FAM185A: variants seen among roughly 807,000 people sequenced by gnomAD.
The protein encoded by FAM185A is family with sequence similarity 185 member A.
Under a neutral mutation model 45.7 loss-of-function variants are expected in FAM185A, and 21 were observed. The observed-to-expected ratio is 0.46, with a 90% CI of 0.33 to 0.66. The LOEUF is 0.66. Ranked by LOEUF, FAM185A falls within the 30% of genes least tolerant of loss-of-function variation. FAM185A has a pLI of 0.03. For missense variants in FAM185A, 305 were observed against 485.4 expected, an observed-to-expected ratio of 0.63 and a Z score of 3.49; for synonymous variants, 117 against 194.0, an observed-to-expected ratio of 0.60 and a Z score of 3.30.
the FAM185A span, among the ~76,000 whole-genome samples, chr7:102,837,703 C>T: frequency 6.6e-6 from 1 of 152,082 alleles, no homozygotes; most frequent in East Asian, 1.9e-4. Context: ...GCTACCATGC[C>T]TGGCTCATTT....
At chr7:102,757,267 T>C (rs1793806035) in intron 2 of FAM185A, among the ~76,000 whole-genome samples, 1 of 152,096 alleles carries the variant, frequency 6.6e-6, no homozygotes, top group Non-Finnish European at 1.5e-5. Context: ...GTGTGGGCTT[T>C]GGAATCATAC....
At chr7:102,764,778 T>C (rs1794289530) in intron 4 of FAM185A, among the ~76,000 whole-genome samples, 1 of 151,786 alleles carries the variant, frequency 6.6e-6, no homozygotes, top group African/African-American at 2.4e-5. Context: ...TTACTTTAGC[T>C]TCTTTTTTCT....
chr7:102,844,985 G>A, the FAM185A span, among the ~76,000 whole-genome samples: 3 of 152,210 alleles, frequency 2.0e-5, no homozygotes, highest in African/African-American at 7.2e-5. Context: ...GAGGTCCTGA[G>A]TGCAGGAACT....
chr7:102,828,346 T>C, the FAM185A span, among the ~76,000 whole-genome samples: 3 of 152,336 alleles, frequency 2.0e-5, no homozygotes, highest in East Asian at 5.8e-4. Flanking sequence ...TTTGAAGCAA[T>C]TGTGATCATT....
intron 4 of FAM185A, among the ~76,000 whole-genome samples, chr7:102,771,524 G>A (rs1794741312): frequency 6.6e-6 from 1 of 152,022 alleles, no homozygotes; most frequent in Non-Finnish European, 1.5e-5. Context: ...AATGAATCCA[G>A]TGCCTTTTTT....
intron 7 of FAM185A, among the ~76,000 whole-genome samples, chr7:102,788,910 A>C (rs1269062927): frequency 2.0e-5 from 3 of 152,210 alleles, no homozygotes; most frequent in African/African-American, 7.2e-5. Context: ...TATGGCATAA[A>C]AGATAAAACA....
chr7:102,766,940 G>A (rs57013410), intron 4 of FAM185A, among the ~76,000 whole-genome samples: 7,655 of 151,638 alleles, frequency 0.05, 633 homozygotes, highest in African/African-American at 0.18. Context: ...GGATTAAGGC[G>A]CCTGCTACCA....
the FAM185A span, among the ~76,000 whole-genome samples, chr7:102,844,258 T>C: frequency 1.6e-4 from 24 of 152,354 alleles, no homozygotes; most frequent in Admixed American, 1.1e-3. Context: ...GAGGGAGCTA[T>C]GTTTGGGTTT....
At chr7:102,794,165 G>A (rs968244791) in intron 7 of FAM185A, among the ~76,000 whole-genome samples, 2 of 152,100 alleles carry the variant, frequency 1.3e-5, no homozygotes, top group African/African-American at 4.8e-5. Context: ...CAAAGAGCAG[G>A]CCCCAATCTC....
At chr7:102,829,584 C>T in the FAM185A span, among the ~76,000 whole-genome samples, 4 of 152,302 alleles carry the variant, frequency 2.6e-5, no homozygotes, top group East Asian at 1.9e-4. Context: ...GGGCCTAGTG[C>T]ACTGCTGAGT....
At chr7:102,791,373 T>G (rs1008439070) in intron 7 of FAM185A, among the ~76,000 whole-genome samples, 1 of 152,268 alleles carries the variant, frequency 6.6e-6, no homozygotes, top group African/African-American at 2.4e-5. Flanking sequence ...CATAGTGAGC[T>G]ATCTTAAACT....
chr7:102,780,278 C>T (rs1795325237), intron 6 of FAM185A, among the ~76,000 whole-genome samples: 1 of 151,956 alleles, frequency 6.6e-6, no homozygotes, highest in South Asian at 2.1e-4. Context: ...CTTTTACCTA[C>T]TTTATTTAAT....
intron 3 of FAM185A, among the ~76,000 whole-genome samples, chr7:102,759,718 T>C (rs1410073169): frequency 6.6e-6 from 1 of 151,994 alleles, no homozygotes; most frequent in Non-Finnish European, 1.5e-5. Flanking sequence ...TTTGGAAAAT[T>C]GGGTAATAGT....
the FAM185A span, chr7:102,822,582 G>A: frequency 2.6e-6 from 1 of 385,982 alleles, no homozygotes; most frequent in Non-Finnish European, 5.1e-6. Context: ...TGTCACAGTG[G>A]GAGTTAGGGT....
chr7:102,788,929 C>A (rs992812179), intron 7 of FAM185A, among the ~76,000 whole-genome samples: 1 of 151,996 alleles, frequency 6.6e-6, no homozygotes, highest in African/African-American at 2.4e-5. Flanking sequence ...CATGGTACGC[C>A]TGTATAGGGC....
the FAM185A span, among the ~76,000 whole-genome samples, chr7:102,842,101 T>G: frequency 1.3e-5 from 2 of 152,188 alleles, no homozygotes; most frequent in Non-Finnish European, 2.9e-5. Flanking sequence ...AAGAGAGACT[T>G]TGCCAAGCAA....
At chr7:102,760,541 C>A (rs61711632) in intron 3 of FAM185A, among the ~76,000 whole-genome samples, 12,150 of 143,612 alleles carry the variant, frequency 0.085, 714 homozygotes, top group East Asian at 0.21. Context: ...CAAAAGCAAT[C>A]AAACAAAGTT....
Position 102,757,895 on chromosome 7 carries a change from C to CTAGA in FAM185A, c.604_605insAGAT (p.Cys202Ter), listed in dbSNP as rs1460515046. 1 of 1,541,482 alleles carries CTAGA rather than the reference C, an allele frequency of 6.5e-7. No homozygotes were observed. Among genetic ancestry groups the CTAGA allele is most frequent in the African/African-American group, 1.4e-5 (1 of 72,098 alleles). On this transcript the variant is annotated stop_gained and frameshift_variant, in exon 3 of 8. Coordinates refer to ENST00000413034, the MANE Select transcript of FAM185A (RefSeq NM_001145268.2). LOFTEE classifies it high-confidence loss of function. ...TTCAAACAAAAGGAGGCAAAGTGAT[C>CTAGA]TGTCTGGGAACAGTTTATGGAAATA...
downstream of FAM185A, among the ~76,000 whole-genome samples, chr7:102,810,353 C>T (rs1164123947): frequency 6.6e-6 from 1 of 151,634 alleles, no homozygotes; most frequent in African/African-American, 2.4e-5. Context: ...ATGCCTCAGC[C>T]ACCACAGTAG....
Sources: allele counts gnomAD v4.1 joint callset (sites outside exome capture counted in the v4.1 genomes callset), GRCh38; gene constraint gnomAD v4.1.1; transcripts MANE v1.5; gene names NCBI Gene and HGNC (gene_info 2026-07-23, HGNC 2026-07-21).